GRM7: variants seen among roughly 807,000 people sequenced by gnomAD.
GRM7 encodes the protein metabotropic glutamate receptor 7.
A neutral mutation model predicts 84.5 loss-of-function variants in GRM7; 35 were observed. The observed-to-expected ratio is 0.41, with a 90% CI of 0.32 to 0.55. The LOEUF (loss-of-function observed/expected upper bound fraction) is 0.55, where lower values mean the gene tolerates loss of function less well. Among genes scored for constraint, GRM7 ranks in the 20% least tolerant of loss-of-function variants. GRM7 has a pLI of 0.19. For missense variants in GRM7, 1,003 were observed against 1,194.6 expected (o/e 0.84, Z 2.36); for synonymous variants, 487 against 455.1 (o/e 1.07, Z -0.89).
chr3:7,420,792 C>T (rs1696360865), intron 5 of GRM7, among the ~76,000 whole-genome samples: 1 of 152,096 alleles, frequency 6.6e-6, no homozygotes. Context: ...TAAATCCTTA[C>T]AGAAAGGCTA....
chr3:7,146,428 C>T, intron 1 of GRM7, 24 bp from the exon 2 acceptor site: 4 of 1,555,764 alleles, frequency 2.6e-6, no homozygotes, highest in South Asian at 1.1e-5. Context: ...TGCACTCTCA[C>T]GTGGTGCTTT....
chr3:7,190,020 C>T (rs17046958), intron 2 of GRM7, among the ~76,000 whole-genome samples: 5,186 of 152,134 alleles, frequency 0.034, 291 homozygotes, highest in African/African-American at 0.12. Flanking sequence ...ATATTCCACA[C>T]ACAACTTTCA....
At chr3:7,700,269 G>T (rs886589929) in intron 9 of GRM7, among the ~76,000 whole-genome samples, 1 of 152,184 alleles carries the variant, frequency 6.6e-6, no homozygotes, top group Non-Finnish European at 1.5e-5. Context: ...CATCTCTCTG[G>T]TCTCAATGAC....
chr3:7,640,169 G>T (rs1698301939), intron 8 of GRM7, among the ~76,000 whole-genome samples: 1 of 152,092 alleles, frequency 6.6e-6, no homozygotes, highest in Non-Finnish European at 1.5e-5. Context: ...TATAGTTGAT[G>T]ACCAACGCAT....
intron 3 of GRM7, among the ~76,000 whole-genome samples, chr3:7,305,205 C>G (rs1015408289): frequency 1.3e-5 from 2 of 152,040 alleles, no homozygotes; most frequent in African/African-American, 4.8e-5. Flanking sequence ...CCCTCCCATC[C>G]CCATCTGCAG....
At chr3:7,671,613 C>A (rs1326802252) in intron 8 of GRM7, among the ~76,000 whole-genome samples, 1 of 150,256 alleles carries the variant, frequency 6.7e-6, no homozygotes, top group East Asian at 1.9e-4. Context: ...CTAGTTGCCT[C>A]CATTATTTAT....
chr3:7,601,793 A>AC (rs1418590587), intron 8 of GRM7, among the ~76,000 whole-genome samples: 2 of 151,954 alleles, frequency 1.3e-5, no homozygotes, highest in Non-Finnish European at 2.9e-5. Flanking sequence ...GGAAAGAGAG[A>AC]CCCTAACTCT....
intron 7 of GRM7, among the ~76,000 whole-genome samples, chr3:7,491,589 G>A (rs1223907580): frequency 6.6e-6 from 1 of 152,182 alleles, no homozygotes; most frequent in Admixed American, 6.5e-5. Flanking sequence ...GGTGAGGGAG[G>A]TGGGCCTCTT....
At chr3:7,443,387 G>A (rs1206630464) in intron 5 of GRM7, among the ~76,000 whole-genome samples, 2 of 152,028 alleles carry the variant, frequency 1.3e-5, no homozygotes, top group African/African-American at 4.8e-5. Flanking sequence ...TCATGGAATA[G>A]CTAGTCTCTC....
At position 7,187,259 on chromosome 3, in the gene GRM7, T is replaced by C. The variant is rs538030475; in HGVS notation, c.736+40591T>C. Among the ~76,000 whole-genome samples, 31 of 152,284 alleles carry C rather than the reference T, an allele frequency of 2.0e-4. No individual in the cohort carries two copies. In the South Asian group the frequency reaches 5.0e-3, roughly 24 times the overall value. The stretch of plus-strand genomic sequence containing the variant: ...TCCTTTTCTCTAGCTCGCAACAAGA[T>C]GTGCCTTTGAAACAAAATAAAAAAT... On this transcript the variant is annotated intron_variant, in intron 2 of 9. Transcript: ENST00000357716.
chr3:6,917,642 TTGAAAGTTCCCAAAGA>T (rs1696987872), intron 1 of GRM7, among the ~76,000 whole-genome samples: 1 of 152,100 alleles, frequency 6.6e-6, no homozygotes, highest in African/African-American at 2.4e-5. Flanking sequence ...TCAAATGTCC[TTGAAAGTTCCCAAAGA>T]CAATCTTTCC....
At chr3:7,084,148 C>T (rs1698364159) in intron 1 of GRM7, among the ~76,000 whole-genome samples, 1 of 152,082 alleles carries the variant, frequency 6.6e-6, no homozygotes, top group Non-Finnish European at 1.5e-5. Flanking sequence ...TTGGGCTACT[C>T]TCTGGAAAAC....
At chr3:7,702,864 A>T (rs1701273709) in intron 9 of GRM7, among the ~76,000 whole-genome samples, 1 of 152,086 alleles carries the variant, frequency 6.6e-6, no homozygotes, top group Admixed American at 6.5e-5. Flanking sequence ...ATGACATTTT[A>T]AAAAATACAC....
intron 4 of GRM7, among the ~76,000 whole-genome samples, chr3:7,396,646 T>G (rs1695222896): frequency 6.6e-6 from 1 of 152,136 alleles, no homozygotes; most frequent in Non-Finnish European, 1.5e-5. Context: ...ATGTAGTTAT[T>G]TAAGAATCGC....
chr3:7,695,312 T>C (rs1041964461), intron 9 of GRM7, among the ~76,000 whole-genome samples: 2 of 152,166 alleles, frequency 1.3e-5, no homozygotes, highest in African/African-American at 4.8e-5. Context: ...AATAAGAAGC[T>C]GGGTCAATAT....
intron 1 of GRM7, among the ~76,000 whole-genome samples, chr3:6,874,633 G>A (rs1215607035): frequency 6.6e-6 from 1 of 152,198 alleles, no homozygotes; most frequent in Non-Finnish European, 1.5e-5. Flanking sequence ...GAGAGACGGA[G>A]CTAGGATATT....
intron 7 of GRM7, among the ~76,000 whole-genome samples, chr3:7,508,538 C>T (rs1225218306): frequency 1.3e-5 from 2 of 152,002 alleles, no homozygotes; most frequent in African/African-American, 2.4e-5. Flanking sequence ...CTGCTAAATA[C>T]TCATGAATGA....
At chr3:7,603,978 C>T (rs958294124) in intron 8 of GRM7, among the ~76,000 whole-genome samples, 6 of 152,060 alleles carry the variant, frequency 3.9e-5, no homozygotes, top group African/African-American at 1.4e-4. Flanking sequence ...ACAGAGAAGT[C>T]AATTGGACTT....
intron 4 of GRM7, among the ~76,000 whole-genome samples, chr3:7,405,142 T>G (rs1023852815): frequency 2.5e-4 from 38 of 152,266 alleles, no homozygotes; most frequent in African/African-American, 8.7e-4. Context: ...ATTAATTAAT[T>G]TAAATGTTTC....
Sources: gnomAD v4.1 joint callset for allele counts (sites outside exome capture counted in the v4.1 genomes callset) on GRCh38, gnomAD v4.1.1 for gene constraint, MANE v1.5 for transcripts, NCBI Gene and HGNC (gene_info 2026-07-23, HGNC 2026-07-21) for gene names.